Variants in PDGFRA observed in about 807,000 individuals in gnomAD.
The protein encoded by PDGFRA is platelet-derived growth factor receptor alpha.
Under a neutral mutation model 121.5 loss-of-function variants are expected in PDGFRA, and 25 were observed. The ratio of observed to expected loss-of-function variants is 0.21; its 90% CI spans 0.15 to 0.29. The LOEUF is 0.29. Ranked by LOEUF, PDGFRA falls within the 10% of genes least tolerant of loss-of-function variation. The pLI is 1.00. For synonymous variants in PDGFRA, 463 were observed against 494.8 expected (o/e 0.94, Z 0.85); for missense variants, 1,008 against 1,345.1 (o/e 0.75, Z 3.92).
intron 1 of PDGFRA, 124 bp from the exon 2 acceptor site, chr4:54,258,633 C>T: frequency 1.3e-6 from 1 of 758,426 alleles, no homozygotes; most frequent in South Asian, 1.4e-5. Flanking sequence ...GAATTTTAAC[C>T]TGGGACATGT....
intron 1 of PDGFRA, among the ~76,000 whole-genome samples, chr4:54,255,601 G>T (rs1203146906): frequency 6.6e-6 from 1 of 151,670 alleles, no homozygotes; most frequent in Admixed American, 6.6e-5. Context: ...CACCTCCTGG[G>T]TTCACGCCAT....
chr4:54,294,312 G>C (rs1260194478), intron 22 of PDGFRA, among the ~76,000 whole-genome samples: 1 of 151,808 alleles, frequency 6.6e-6, no homozygotes, highest in African/African-American at 2.4e-5. Context: ...TGGTTACTTT[G>C]TGTTTGTGGG....
rs1315612472 is a variant in PDGFRA at position 54,278,346 on chromosome 4, G to A, written c.2003-16G>A. 13 of 1,609,642 alleles carry A rather than the reference G, an allele frequency of 8.1e-6. No individual in the cohort carries two copies. Among genetic ancestry groups the A allele is most frequent in the African/African-American group, 1.3e-5 (1 of 74,474 alleles). ...TCATTTTCATACCCATCTCCTAACG[G>A]CTTTTGTCCCCATAGGCCCCATTTA... On this transcript the variant is annotated splice_polypyrimidine_tract_variant and intron_variant, in intron 14 of 22. Coordinates refer to ENST00000257290, the MANE Select transcript of PDGFRA (RefSeq NM_006206.6).
chr4:54,252,043 T>C (rs1722076145), intron 1 of PDGFRA, among the ~76,000 whole-genome samples: 1 of 152,214 alleles, frequency 6.6e-6, no homozygotes, highest in Non-Finnish European at 1.5e-5. Flanking sequence ...AGTTATTAGA[T>C]TCTAGTCTCG....
chr4:54,273,859 T>C, intron 10 of PDGFRA, 129 bp downstream of exon 10: 1 of 760,742 alleles, frequency 1.3e-6, no homozygotes, highest in South Asian at 1.5e-5. Context: ...TGAATGCTCT[T>C]AAAGTCATGT....
chr4:54,237,583 G>A (rs1193240225), intron 1 of PDGFRA, among the ~76,000 whole-genome samples: 1 of 152,194 alleles, frequency 6.6e-6, no homozygotes, highest in Non-Finnish European at 1.5e-5. Context: ...AAACACACAA[G>A]CATTACTGCT....
At chr4:54,244,421 G>A (rs1424229429) in intron 1 of PDGFRA, among the ~76,000 whole-genome samples, 1 of 152,214 alleles carries the variant, frequency 6.6e-6, no homozygotes, top group Non-Finnish European at 1.5e-5. Flanking sequence ...AAAATCTGCT[G>A]TTCTGCCGCC....
At chr4:54,254,612 G>T (rs1020578806) in intron 1 of PDGFRA, among the ~76,000 whole-genome samples, 4 of 152,172 alleles carry the variant, frequency 2.6e-5, no homozygotes, top group African/African-American at 9.7e-5. Flanking sequence ...AAGAAATACG[G>T]GATCTAAATG....
In PDGFRA at chr4:54,287,537, C is replaced by G. The variant is rs2110341828; in HGVS notation, c.2670C>G (p.Ser890=). The change falls in exon 19 of 23, where the codon TCC becomes TCG. Residue 890 remains serine, a synonymous_variant. Transcript: ENST00000257290. ...SYGILLWEIF[S]LGGTPYPGMM... ...GCATTCTGCTCTGGGAGATCTTTTCCCTTGGTATGGGCCTGACATTGCTGC... is the reference window on the plus strand; with the variant it reads ...GCATTCTGCTCTGGGAGATCTTTTCGCTTGGTATGGGCCTGACATTGCTGC... 8.0e-7 allele frequency: 1 copy of G among 1,253,012 alleles called. No homozygotes were observed. The highest frequency in any genetic ancestry group is 1.2e-5 in the South Asian group (1 of 83,854). 77.6% of individuals were successfully genotyped at this position (1,253,012 alleles called of 1,614,324 possible). A position where few individuals can be genotyped will look rare whatever the true frequency, so the allele number is the denominator to read the frequency against.
intron 15 of PDGFRA, 190 bp downstream of exon 15, chr4:54,278,705 C>G: frequency 1.5e-6 from 1 of 669,296 alleles, no homozygotes; most frequent in Non-Finnish European, 2.7e-6. Context: ...GTGTTTTGGA[C>G]TGGGGTGTCA....
chr4:54,285,707 C>G lies in PDGFRA; in HGVS notation c.2440-134C>G, dbSNP rs187084616. The G allele has an allele frequency of 1.9e-4, 185 of 975,720 alleles. No homozygotes were observed. In the African/African-American group the frequency reaches 2.8e-3, roughly 15 times the overall value. 60.4% of individuals were successfully genotyped at this position (975,720 alleles called of 1,614,324 possible). A position where few individuals can be genotyped will look rare whatever the true frequency, so the allele number is the denominator to read the frequency against. ...CTGTTGGGAGTGGGTGGAGTGAGAA[C>G]CTGGGAGAAGGCCAGCCCTTTATAT... On this transcript the variant is annotated intron_variant, in intron 17 of 22. Transcript: ENST00000257290.
At chr4:54,286,098 G>A (rs1466664102) in intron 18 of PDGFRA, 135 bp downstream of exon 18, 7 of 918,532 alleles carry the variant, frequency 7.6e-6, no homozygotes, top group Non-Finnish European at 1.2e-5. Flanking sequence ...ACACTGCCTT[G>A]GCAGCAGATT....
At chr4:54,275,046 C>A (rs2110301420) in intron 12 of PDGFRA, 73 bp downstream of exon 12, 2 of 1,498,874 alleles carry the variant, frequency 1.3e-6, no homozygotes, top group Non-Finnish European at 1.9e-6. Flanking sequence ...TAGGCCTTGG[C>A]AGAATAGAGA....
At chr4:54,280,172 G>T in intron 15 of PDGFRA, 144 bp from the exon 16 acceptor site, 1 of 654,644 alleles carries the variant, frequency 1.5e-6, no homozygotes, top group Non-Finnish European at 2.8e-6. Flanking sequence ...ATCACCTCAT[G>T]TGAAAGGTAT....
intron 1 of PDGFRA, among the ~76,000 whole-genome samples, chr4:54,254,728 T>C (rs115838152): frequency 0.018 from 2,735 of 152,196 alleles, 77 homozygotes; most frequent in African/African-American, 0.061. Context: ...AGCACACAAG[T>C]GTTACTGCTA....
At position 54,290,464 on chromosome 4, in the gene PDGFRA, G is replaced by A. The variant is rs1553906650; in HGVS notation, c.3032G>A (p.Arg1011Lys). The change falls in exon 22 of 23, where the codon AGA becomes AAA. Residue 1011 changes from arginine (R) to lysine (K), a missense_variant. Arg to Lys is a conservative substitution (Grantham distance 26). Coordinates refer to ENST00000257290, the MANE Select transcript of PDGFRA (RefSeq NM_006206.6). ...TGGGAGGGTGGTCTGGATGAGCAGA[G>A]ACTGAGCGCTGACAGTGGCTACATC... ...KDWEGGLDEQ[R>K]LSADSGYIIP... is the part of the protein sequence containing the mutation. 3 of 1,614,034 alleles carry A rather than the reference G, an allele frequency of 1.9e-6. No individual in the cohort carries two copies. The highest frequency in any genetic ancestry group is 2.5e-6 in the Non-Finnish European group (3 of 1,179,886).
chr4:54,284,269 GTCT>G (rs1560487902), intron 16 of PDGFRA, among the ~76,000 whole-genome samples: 1 of 152,082 alleles, frequency 6.6e-6, no homozygotes, highest in Non-Finnish European at 1.5e-5. Context: ...TCATCTTCCT[GTCT>G]TCTTCTGAGC....
rs1723833621 is a variant in PDGFRA, at chr4:54,278,011, G to T, written c.2002+5G>T. On this transcript the variant is annotated splice_donor_5th_base_variant and intron_variant, in intron 14 of 22. Transcript: ENST00000257290. ...TGGGAGCCTGCACCAAGTCAGGTGGGCTCACTGACCTGGAGTGAGGATTTT... is the reference window on the plus strand; with the variant it reads ...TGGGAGCCTGCACCAAGTCAGGTGGTCTCACTGACCTGGAGTGAGGATTTT... 1 of 1,553,454 alleles carries T rather than the reference G, an allele frequency of 6.4e-7. No individual in the cohort carries two copies. The highest frequency in any genetic ancestry group is 8.9e-7 in the Non-Finnish European group (1 of 1,124,804).
At chr4:54,241,318 A>C (rs1721282384) in intron 1 of PDGFRA, among the ~76,000 whole-genome samples, 1 of 152,120 alleles carries the variant, frequency 6.6e-6, no homozygotes, top group Non-Finnish European at 1.5e-5. Flanking sequence ...GGAATGTTAT[A>C]AAGAAATTTT....
Sources: allele counts gnomAD v4.1 joint callset (sites outside exome capture counted in the v4.1 genomes callset), GRCh38; gene constraint gnomAD v4.1.1; transcripts MANE v1.5; gene names NCBI Gene and HGNC (gene_info 2026-07-23, HGNC 2026-07-21).